The following PTPRC variants were observed in gnomAD, a reference collection of about 807,000 sequenced individuals.
The protein encoded by PTPRC is receptor-type tyrosine-protein phosphatase C.
In PTPRC, 44 loss-of-function variants were observed where a neutral mutation model predicts 155.9. The observed-to-expected ratio is 0.28, with a 90% CI of 0.22 to 0.36. The LOEUF (loss-of-function observed/expected upper bound fraction) is 0.36, where lower values mean the gene tolerates loss of function less well. Among genes scored for constraint, PTPRC ranks in the 10% least tolerant of loss-of-function variants. The pLI, the probability that PTPRC is intolerant of heterozygous loss-of-function variation, is 1.00. For missense variants in PTPRC, 1,401 were observed against 1,564.6 expected (o/e 0.90, Z 1.76); for synonymous variants, 525 against 533.1 (o/e 0.98, Z 0.21).
chr1:198,708,745 A>G (rs1430095475), intron 10 of PTPRC, among the ~76,000 whole-genome samples: 2 of 152,258 alleles, frequency 1.3e-5, no homozygotes, highest in African/African-American at 4.8e-5. Flanking sequence ...GCAGAAAAAG[A>G]ACAGCAAGTG....
chr1:198,666,044 C>T (rs901102842), intron 2 of PTPRC, among the ~76,000 whole-genome samples: 1 of 151,888 alleles, frequency 6.6e-6, no homozygotes, highest in South Asian at 2.1e-4. Context: ...AGTTCAAGAC[C>T]GGCCTGGGCA....
chr1:198,708,295 T>C, intron 10 of PTPRC, 34 bp downstream of exon 10: 1 of 1,580,090 alleles, frequency 6.3e-7, no homozygotes, highest in Non-Finnish European at 8.7e-7. Flanking sequence ...GAATTTTTTT[T>C]TGTGGCACAA....
At chr1:198,697,526 G>T (rs1395086002) in intron 4 of PTPRC, among the ~76,000 whole-genome samples, 1 of 152,254 alleles carries the variant, frequency 6.6e-6, no homozygotes, top group East Asian at 1.9e-4. Flanking sequence ...TGATGCAAGA[G>T]ATATTTTTGC....
rs570434674 is a variant in PTPRC, at chr1:198,741,876, A to G, written c.2411A>G (p.Glu804Gly). 1 of 1,611,620 alleles carries G rather than the reference A, an allele frequency of 6.2e-7. No individual in the cohort carries two copies. Among genetic ancestry groups the G allele is most frequent in the South Asian group, 1.1e-5 (1 of 91,032 alleles). ...IQKLNIVNKK[E>G]KATGREVTHI... ...ATATTATCTCTTGACTAGAAAAAAG[A>G]AAAAGCAACTGGAAGAGAGGTGACT... is the stretch of plus-strand genomic sequence containing the variant. Residue 804 changes from glutamate (E) to glycine (G), a missense_variant, in exon 24 of 33, where the codon GAA (glutamate) becomes GGA (glycine). Glu to Gly is a moderately conservative substitution (Grantham distance 98, BLOSUM62 -2). Coordinates refer to ENST00000442510, the MANE Select transcript of PTPRC (RefSeq NM_002838.5).
intron 2 of PTPRC, among the ~76,000 whole-genome samples, chr1:198,673,238 A>T (rs1413239751): frequency 6.6e-6 from 1 of 152,136 alleles, no homozygotes; most frequent in African/African-American, 2.4e-5. Context: ...CTGCTTCCAT[A>T]GAAAGTAGGA....
At chr1:198,676,946 A>G (rs1664989205) in intron 2 of PTPRC, among the ~76,000 whole-genome samples, 1 of 152,196 alleles carries the variant, frequency 6.6e-6, no homozygotes, top group Admixed American at 6.5e-5. Flanking sequence ...ATTCATAATT[A>G]ACAATAAAAT....
intron 2 of PTPRC, among the ~76,000 whole-genome samples, chr1:198,683,687 G>A (rs1004812107): frequency 2.6e-5 from 4 of 151,992 alleles, no homozygotes; most frequent in African/African-American, 7.2e-5. Flanking sequence ...ATTTTCCAGC[G>A]CTGGAGCCCA....
At position 198,701,627 on chromosome 1, in the gene PTPRC, G is replaced by A. The variant is rs996582306; in HGVS notation, c.440-760G>A. Among the ~76,000 whole-genome samples the A allele has an allele frequency of 1.4e-4, 21 of 152,184 alleles. 1 individual carries two copies. Among genetic ancestry groups the A allele is most frequent in the Admixed American group, 1.2e-3 (18 of 15,284 alleles). On this transcript the variant is annotated intron_variant, in intron 5 of 32. Coordinates refer to ENST00000442510, the MANE Select transcript of PTPRC (RefSeq NM_002838.5). ...GTAATTTGAAGCCTGAAAATGGAAA[G>A]TTCTAACCTAGTACAATGTGCAGTT...
intron 26 of PTPRC, among the ~76,000 whole-genome samples, chr1:198,747,383 G>A (rs1655181591): frequency 6.6e-6 from 1 of 151,744 alleles, no homozygotes; most frequent in African/African-American, 2.4e-5. Context: ...AACAGTCAGG[G>A]GCGTATCAAT....
At chr1:198,731,537 C>A (rs942624017) in intron 17 of PTPRC, 80 bp from the exon 18 acceptor site, 1 of 1,014,318 alleles carries the variant, frequency 9.9e-7, no homozygotes, top group South Asian at 1.3e-5. Context: ...GGATTGAGTA[C>A]ACGGTGTAAA....
intron 2 of PTPRC, among the ~76,000 whole-genome samples, chr1:198,690,404 A>G (rs1292763995): frequency 6.6e-6 from 1 of 152,112 alleles, no homozygotes; most frequent in African/African-American, 2.4e-5. Context: ...CATGAAACAG[A>G]AAGATAAAAG....
chr1:198,714,627 C>T (rs1653481694), intron 12 of PTPRC, among the ~76,000 whole-genome samples: 1 of 152,160 alleles, frequency 6.6e-6, no homozygotes, highest in Admixed American at 6.6e-5. Context: ...TCTTTGGAGC[C>T]AGCTCTACTC....
chr1:198,731,807 C>A, intron 18 of PTPRC, 81 bp downstream of exon 18: 1 of 1,131,484 alleles, frequency 8.8e-7, no homozygotes, highest in Non-Finnish European at 1.3e-6. Context: ...TGCCATTTGC[C>A]TTTATAATTT....
chr1:198,674,978 T>A (rs1226929246), intron 2 of PTPRC, among the ~76,000 whole-genome samples: 1 of 152,172 alleles, frequency 6.6e-6, no homozygotes, highest in Non-Finnish European at 1.5e-5. Flanking sequence ...GACCTCATGT[T>A]GCATTTATTT....
intron 14 of PTPRC, among the ~76,000 whole-genome samples, chr1:198,720,934 G>A (rs537959009): frequency 9.2e-5 from 14 of 151,808 alleles, no homozygotes; most frequent in Non-Finnish European, 1.9e-4. Context: ...AGGCACCTAG[G>A]TGTTACTCTT....
rs1269014792 is a variant in PTPRC at position 198,744,193 on chromosome 1, C to G, written c.2837C>G (p.Ala946Gly). The G allele has an allele frequency of 2.5e-6, 4 of 1,604,190 alleles. No individual in the cohort carries two copies. Among genetic ancestry groups the G allele is most frequent in the Non-Finnish European group, 3.4e-6 (4 of 1,172,372 alleles). ...DPPSEPSPLE[A>G]EFQRLPSYRS... ...CCCAGTGAGCCGTCTCCACTAGAGG[C>G]TGAATTCCAGGTAATGATAGTGACA... is the stretch of plus-strand genomic sequence containing the variant. Residue 946 changes from alanine to glycine, a missense_variant, in exon 26 of 33, where the codon GCT becomes GGT. This residue lies in a region of PTPRC where 134 missense variants were observed against 204.7 expected (regional missense o/e 0.65). Transcript: ENST00000442510.
intron 4 of PTPRC, among the ~76,000 whole-genome samples, chr1:198,698,381 T>C (rs1474024554): frequency 6.6e-6 from 1 of 152,186 alleles, no homozygotes; most frequent in African/African-American, 2.4e-5. Context: ...TTCTAGAAAA[T>C]AATCTTTTCA....
intron 15 of PTPRC, among the ~76,000 whole-genome samples, chr1:198,727,007 C>T (rs1200015130): frequency 6.6e-6 from 1 of 151,840 alleles, no homozygotes; most frequent in African/African-American, 2.4e-5. Context: ...GCATTACAGA[C>T]ACACACCATG....
intron 2 of PTPRC, among the ~76,000 whole-genome samples, chr1:198,685,512 GA>G (rs1665570671): frequency 6.6e-6 from 1 of 151,898 alleles, no homozygotes; most frequent in Admixed American, 6.6e-5. Context: ...GTGGTTCTCT[GA>G]AATCATAATA....
Sources: gnomAD v4.1 joint callset for allele counts (sites outside exome capture counted in the v4.1 genomes callset) on GRCh38, gnomAD v4.1.1 for gene constraint, gnomAD v4.1.1 regional missense constraint, MANE v1.5 for transcripts, NCBI Gene and HGNC (gene_info 2026-07-23, HGNC 2026-07-21) for gene names.